Variants in ACYP2 observed in about 807,000 individuals in gnomAD.
ACYP2 encodes acylphosphatase 2.
A neutral mutation model predicts 11.2 loss-of-function variants in ACYP2; 12 were observed. That is an observed-to-expected ratio of 1.08 (90% CI 0.69 to 1.74). ACYP2 has a LOEUF of 1.74. Ranked by LOEUF, ACYP2 falls within the 40% of genes most tolerant of loss-of-function variation. ACYP2 has a pLI of 0.00. For synonymous variants in ACYP2, 43 were observed against 32.2 expected (o/e 1.33, Z -1.13); for missense variants, 134 against 101.9 (o/e 1.31, Z -1.35).
intron 2 of ACYP2, among the ~76,000 whole-genome samples, chr2:54,045,763 C>T (rs976356685): frequency 6.6e-5 from 10 of 151,774 alleles, no homozygotes; most frequent in African/African-American, 2.2e-4. Context: ...TTGCAGTGAG[C>T]CAAAATCACG....
Position 53,971,185 on chromosome 2 carries a change from C to T in ACYP2, c.-173C>T. 1 of 175,558 alleles carries T rather than the reference C, an allele frequency of 5.7e-6. No homozygotes were observed. The highest frequency in any genetic ancestry group is 1.2e-5 in the Non-Finnish European group (1 of 83,872). The allele number at this position is 175,558 out of a possible 1,614,324, so 10.9% of individuals were successfully genotyped here. A position where few individuals can be genotyped will look rare whatever the true frequency, so the allele number is the denominator to read the frequency against. On this transcript the variant is annotated 5_prime_UTR_variant, in exon 1 of 7. Transcript: ENST00000607452. ...CCCGGCTCGGAGCCCCCACCCCAGG[C>T]CTCACCGGCCCAGCGCGAGGCTGCC...
chr2:54,101,891 A>G (rs1046318632), intron 4 of ACYP2, among the ~76,000 whole-genome samples: 10 of 152,202 alleles, frequency 6.6e-5, no homozygotes, highest in Admixed American at 5.9e-4. Flanking sequence ...GATTAGTGTG[A>G]TACATTTGTA....
At chr2:54,302,940 A>G (rs1460199758) in intron 6 of ACYP2, among the ~76,000 whole-genome samples, 3 of 152,198 alleles carry the variant, frequency 2.0e-5, no homozygotes, top group Non-Finnish European at 2.9e-5. Context: ...GCAAGTTACT[A>G]TCTCTTAAGT....
intron 4 of ACYP2, among the ~76,000 whole-genome samples, chr2:54,116,957 G>C (rs777906234): frequency 1.3e-5 from 2 of 152,170 alleles, no homozygotes; most frequent in South Asian, 2.1e-4. Flanking sequence ...ATTCAGGTCA[G>C]AGCAGGTGAC....
At position 54,304,705 on chromosome 2, in the gene ACYP2, A is replaced by G; in HGVS notation, c.422A>G (p.Lys141Arg). 6.2e-7 allele frequency: 1 copy of G among 1,610,598 alleles called. No homozygotes were observed. The highest frequency in any genetic ancestry group is 8.5e-7 in the Non-Finnish European group (1 of 1,178,708). Residue 141 changes from lysine to arginine, a missense_variant, in exon 7 of 7, where the codon AAG becomes AGG. Lys to Arg is a conservative substitution (Grantham distance 26). Coordinates refer to ENST00000607452, the MANE Select transcript of ACYP2 (RefSeq NM_001320586.2). ...TTTTATAGGAAGTCCTGGCTGAGCAAGGTTGGAAGCCCTAGTTCTCGCATT... is the reference window on the plus strand; with the variant it reads ...TTTTATAGGAAGTCCTGGCTGAGCAGGGTTGGAAGCCCTAGTTCTCGCATT...
intron 4 of ACYP2, among the ~76,000 whole-genome samples, chr2:54,130,300 G>A (rs1680823979): frequency 6.6e-6 from 1 of 152,260 alleles, no homozygotes; most frequent in South Asian, 2.1e-4. Context: ...GGAATAGTCA[G>A]TACAAAGGCT....
chr2:54,122,230 A>C (rs2103743610), intron 4 of ACYP2, among the ~76,000 whole-genome samples: 1 of 152,350 alleles, frequency 6.6e-6, no homozygotes, highest in East Asian at 1.9e-4. Flanking sequence ...AAAGGTGTTG[A>C]CATTTAAAAC....
intron 6 of ACYP2, among the ~76,000 whole-genome samples, chr2:54,301,334 T>C (rs1000828205): frequency 2.0e-5 from 3 of 152,218 alleles, no homozygotes; most frequent in African/African-American, 7.2e-5. Flanking sequence ...TCAAATGTCA[T>C]TGCTCTCACA....
At chr2:54,070,783 C>G (rs1156964410) in intron 4 of ACYP2, among the ~76,000 whole-genome samples, 1 of 149,642 alleles carries the variant, frequency 6.7e-6, no homozygotes, top group East Asian at 2.0e-4. Flanking sequence ...GTCACCCAGG[C>G]TGGAGTGCAG....
chr2:54,127,786 A>G (rs558744985), intron 4 of ACYP2, among the ~76,000 whole-genome samples: 25 of 150,438 alleles, frequency 1.7e-4, no homozygotes, highest in African/African-American at 6.1e-4. Context: ...CTGGAATTTC[A>G]TCACCTGGAA....
At position 54,126,316 on chromosome 2, in the gene ACYP2, A is replaced by G. The variant is rs35295105; in HGVS notation, c.278-9137A>G. Among the ~76,000 whole-genome samples, 1,207 of 152,288 alleles carry G rather than the reference A, an allele frequency of 7.9e-3. 9 individuals are homozygous for G. Among genetic ancestry groups the G allele is most frequent in the Non-Finnish European group, 0.013 (901 of 68,014 alleles). ...AAAGCAAAATATATAAATGCATATC[A>G]CTATAGTTGGTAATTCTGTGCAACC... On this transcript the variant is annotated intron_variant, in intron 4 of 6. Transcript: ENST00000607452.
chr2:54,106,217 A>C (rs1679148522), intron 4 of ACYP2, among the ~76,000 whole-genome samples: 1 of 152,172 alleles, frequency 6.6e-6, no homozygotes, highest in African/African-American at 2.4e-5. Context: ...TCAACCTTTT[A>C]AAGGTAAGAT....
intron 2 of ACYP2, among the ~76,000 whole-genome samples, chr2:54,038,993 G>C (rs900745993): frequency 2.0e-5 from 3 of 151,766 alleles, no homozygotes; most frequent in Non-Finnish European, 2.9e-5. Context: ...GAATGAGTGA[G>C]TCATATCTGG....
At chr2:54,257,808 A>T (rs1053649308) in intron 6 of ACYP2, among the ~76,000 whole-genome samples, 3 of 152,228 alleles carry the variant, frequency 2.0e-5, no homozygotes, top group Admixed American at 2.0e-4. Flanking sequence ...ATAGAAATGT[A>T]TAACTTATCA....
At chr2:54,242,009 G>A (rs1686750524) in intron 6 of ACYP2, among the ~76,000 whole-genome samples, 1 of 152,180 alleles carries the variant, frequency 6.6e-6, no homozygotes, top group East Asian at 1.9e-4. Flanking sequence ...GCAAGACACT[G>A]TATCAAAAAA....
intron 6 of ACYP2, chr2:54,256,312 G>A: frequency 1.4e-6 from 1 of 694,742 alleles, no homozygotes; most frequent in South Asian, 1.9e-5. Flanking sequence ...TCACTCCTCA[G>A]TCTCGCGAGT....
chr2:54,231,172 T>C (rs2463352), intron 6 of ACYP2, among the ~76,000 whole-genome samples: 1 of 152,166 alleles, frequency 6.6e-6, no homozygotes, highest in Non-Finnish European at 1.5e-5. Context: ...TAATGTCTCA[T>C]GCCTTCCTAA....
At chr2:54,283,246 T>G (rs1207689647) in intron 6 of ACYP2, among the ~76,000 whole-genome samples, 1 of 152,192 alleles carries the variant, frequency 6.6e-6, no homozygotes, top group Non-Finnish European at 1.5e-5. Context: ...TTTAGTCCTA[T>G]CTCTGTGACT....
chr2:54,133,546 A>G (rs1280849131), intron 4 of ACYP2, among the ~76,000 whole-genome samples: 1 of 152,152 alleles, frequency 6.6e-6, no homozygotes, highest in African/African-American at 2.4e-5. Context: ...TCTGCACCTG[A>G]TACATTCCTG....
Sources: allele counts gnomAD v4.1 joint callset (sites outside exome capture counted in the v4.1 genomes callset), GRCh38; gene constraint gnomAD v4.1.1; transcripts MANE v1.5; gene names NCBI Gene and HGNC (gene_info 2026-07-23, HGNC 2026-07-21).